Variants in ABCA12 observed in about 807,000 individuals in gnomAD.
ABCA12 encodes ATP binding cassette subfamily A member 12.
In ABCA12, 156 loss-of-function variants were observed where a neutral mutation model predicts 293.5. That is an observed-to-expected ratio of 0.53 (90% CI 0.47 to 0.61). The LOEUF (loss-of-function observed/expected upper bound fraction) is 0.61. Among genes scored for constraint, ABCA12 ranks in the 20% least tolerant of loss-of-function variants. ABCA12 has a pLI of 0.00. For synonymous variants in ABCA12, 1,063 were observed against 1,108.0 expected, an observed-to-expected ratio of 0.96 and a Z score of 0.81; for missense variants, 2,797 against 3,090.2, an observed-to-expected ratio of 0.91 and a Z score of 2.25.
intron 44 of ABCA12, among the ~76,000 whole-genome samples, chr2:214,952,519 T>A (rs1559110952): frequency 6.6e-6 from 1 of 152,098 alleles, no homozygotes; most frequent in South Asian, 2.1e-4. Flanking sequence ...CCGCACCTTA[T>A]AACACCCTAT....
chr2:215,030,960 T>C (rs1455045195), intron 9 of ABCA12, among the ~76,000 whole-genome samples: 2 of 152,212 alleles, frequency 1.3e-5, no homozygotes, highest in Admixed American at 6.5e-5. Context: ...ATTTCAATAG[T>C]ATAATTTACA....
At chr2:214,979,084 A>C (rs138515102) in intron 31 of ABCA12, 44 bp from the exon 32 acceptor site, 1 of 1,544,890 alleles carries the variant, frequency 6.5e-7, no homozygotes, top group East Asian at 2.2e-5. Flanking sequence ...CTCTCTTTAC[A>C]CTATAGTGCT....
chr2:215,087,743 T>C (rs1702070771), intron 2 of ABCA12, among the ~76,000 whole-genome samples: 1 of 152,134 alleles, frequency 6.6e-6, no homozygotes, highest in South Asian at 2.1e-4. Flanking sequence ...GAAGGATAAG[T>C]TGGAGCTAAC....
At chr2:215,035,312 T>C (rs1456023131) in intron 8 of ABCA12, among the ~76,000 whole-genome samples, 1 of 152,220 alleles carries the variant, frequency 6.6e-6, no homozygotes, top group Non-Finnish European at 1.5e-5. Flanking sequence ...TCAAATTTTA[T>C]GAATAAAAAT....
chr2:215,066,799 C>T (rs931211317), intron 2 of ABCA12, among the ~76,000 whole-genome samples: 6 of 152,086 alleles, frequency 3.9e-5, no homozygotes, highest in Admixed American at 3.9e-4. Flanking sequence ...GGATGGCTTG[C>T]GTTATTTGTT....
chr2:214,960,746 A>G (rs1478805690), intron 39 of ABCA12, among the ~76,000 whole-genome samples: 4 of 152,142 alleles, frequency 2.6e-5, no homozygotes, highest in African/African-American at 7.2e-5. Flanking sequence ...CTAATGCAAC[A>G]AAGTAAGAAT....
intron 2 of ABCA12, among the ~76,000 whole-genome samples, chr2:215,073,049 C>T (rs570410102): frequency 6.6e-6 from 1 of 152,134 alleles, no homozygotes. Flanking sequence ...GAGCCAAGAT[C>T]GTGCCATTGC....
At chr2:215,021,025 A>AT in intron 11 of ABCA12, among the ~76,000 whole-genome samples, 1 of 152,180 alleles carries the variant, frequency 6.6e-6, no homozygotes, top group Non-Finnish European at 1.5e-5. Flanking sequence ...AATGTTTTGT[A>AT]TTTTTTGTAG....
intron 12 of ABCA12, 38 bp downstream of exon 12, chr2:215,019,502 G>A (rs575809505): frequency 6.2e-7 from 1 of 1,613,888 alleles, no homozygotes; most frequent in African/African-American, 1.3e-5. Context: ...TATTTTGAAA[G>A]AGATTTCACC....
intron 4 of ABCA12, among the ~76,000 whole-genome samples, chr2:215,053,937 A>C (rs1221669443): frequency 2.0e-5 from 3 of 151,924 alleles, no homozygotes; most frequent in Non-Finnish European, 2.9e-5. Context: ...CAACTGAATC[A>C]CTCGCACCTA....
chr2:215,029,907 G>C (rs1281142591), intron 9 of ABCA12, among the ~76,000 whole-genome samples: 2 of 152,160 alleles, frequency 1.3e-5, no homozygotes, highest in Non-Finnish European at 2.9e-5. Flanking sequence ...AGAAAGTAGA[G>C]CTATGAGGAA....
At chr2:215,018,346 A>G (rs1327112492) in intron 13 of ABCA12, among the ~76,000 whole-genome samples, 1 of 152,218 alleles carries the variant, frequency 6.6e-6, no homozygotes, top group Non-Finnish European at 1.5e-5. Context: ...GAGGTAACAG[A>G]TTGCTCTGAG....
chr2:215,001,610 A>T lies in ABCA12; in HGVS notation c.2811T>A (p.Asp937Glu). ...GCCTTTTAGCCTCTCTCTCCATTTC[A>T]TCTATGGTTTTTGCTGCCTGAATAC... is the stretch of plus-strand genomic sequence containing the variant. ...YDRIQAAKTI[D>E]EMEREAKRLY... Residue 937 changes from aspartate (D) to glutamate (E), a missense_variant, in exon 21 of 53, where the codon GAT (aspartate) becomes GAA (glutamate). By Grantham distance (45) the Asp-to-Glu change is conservative. Around this residue, in one of 3 missense-constraint regions of ABCA12, gnomAD observed 2,130 missense variants for 2,427.0 expected, o/e 0.88. Coordinates refer to ENST00000272895, the MANE Select transcript of ABCA12 (RefSeq NM_173076.3). The T allele has an allele frequency of 1.2e-6, 2 of 1,613,784 alleles. No homozygotes were observed. Among genetic ancestry groups the T allele is most frequent in the Non-Finnish European group, 1.7e-6 (2 of 1,179,818 alleles).
intron 28 of ABCA12, 43 bp downstream of exon 28, chr2:214,986,499 G>C (rs1432360662): frequency 4.4e-6 from 7 of 1,578,306 alleles, no homozygotes; most frequent in Non-Finnish European, 6.1e-6. Flanking sequence ...TGTATTTTTT[G>C]TAACATGCTT....
intron 43 of ABCA12, among the ~76,000 whole-genome samples, chr2:214,954,410 T>G (rs1574938124): frequency 6.6e-6 from 1 of 152,074 alleles, no homozygotes; most frequent in Admixed American, 6.6e-5. Flanking sequence ...AGCCAGTGTG[T>G]TGGGGTCTGT....
Position 215,091,537 on chromosome 2 carries a change from G to T in ABCA12, c.163+20060C>A, listed in dbSNP as rs111649300. On this transcript the variant is annotated intron_variant, in intron 2 of 52. Transcript: ENST00000272895. The stretch of plus-strand genomic sequence containing the variant: ...GCTCATTTGGCAACAACCCTTAGAC[G>T]CTTTACTGCCCTAGACCCAGAGGGG... 1.1e-4 allele frequency among the ~76,000 whole-genome samples: 17 copies of T among 152,156 alleles called. No individual in the cohort carries two copies. In the South Asian group the frequency reaches 1.7e-3, roughly 15 times the overall value.
intron 2 of ABCA12, among the ~76,000 whole-genome samples, chr2:215,082,310 T>C (rs1701960331): frequency 6.6e-6 from 1 of 152,038 alleles, no homozygotes; most frequent in South Asian, 2.1e-4. Context: ...CCCAAACGGC[T>C]AAAATTGTTA....
intron 23 of ABCA12, among the ~76,000 whole-genome samples, chr2:214,993,697 G>A (rs1487559639): frequency 1.3e-5 from 2 of 152,160 alleles, no homozygotes; most frequent in Non-Finnish European, 2.9e-5. Context: ...AGGAGACAAT[G>A]TCAATATATT....
intron 39 of ABCA12, 134 bp downstream of exon 39, chr2:214,966,714 A>G: frequency 1.3e-6 from 1 of 792,118 alleles, no homozygotes; most frequent in Non-Finnish European, 2.2e-6. Flanking sequence ...CTACTTCTAA[A>G]CTCCTTTTAA....
Sources: gnomAD v4.1 joint callset for allele counts (sites outside exome capture counted in the v4.1 genomes callset) on GRCh38, gnomAD v4.1.1 for gene constraint, gnomAD v4.1.1 regional missense constraint, MANE v1.5 for transcripts, NCBI Gene and HGNC (gene_info 2026-07-23, HGNC 2026-07-21) for gene names.